LRRC36: variants seen among roughly 807,000 people sequenced by gnomAD.
LRRC36 encodes leucine rich repeat containing 36.
In LRRC36, 62 loss-of-function variants were observed where a neutral mutation model predicts 81.1. The observed-to-expected ratio is 0.76, with a 90% CI of 0.62 to 0.94. LRRC36 has a LOEUF of 0.94. LRRC36 is among the 40% of genes least tolerant of loss of function. The probability of loss-of-function intolerance (pLI) is 0.00; values close to 1 mark genes in which losing one functional copy is unlikely to be tolerated. For synonymous variants in LRRC36, 334 were observed against 348.6 expected, an observed-to-expected ratio of 0.96 and a Z score of 0.47; for missense variants, 761 against 881.7, an observed-to-expected ratio of 0.86 and a Z score of 1.73.
At chr16:67,352,703 G>C (rs1195739908) in intron 5 of LRRC36, among the ~76,000 whole-genome samples, 1 of 148,172 alleles carries the variant, frequency 6.7e-6, no homozygotes, top group African/African-American at 2.5e-5. Flanking sequence ...TTTGAGGCAG[G>C]GTCTCATTCT....
At chr16:67,349,460 A>T (rs1175951251) in intron 4 of LRRC36, among the ~76,000 whole-genome samples, 3 of 152,214 alleles carry the variant, frequency 2.0e-5, no homozygotes, top group African/African-American at 7.2e-5. Context: ...TGTACTACCC[A>T]AGGTATCTAC....
rs374068045 is a variant in LRRC36 at position 67,364,004 on chromosome 16, T to TA, written c.702+291dup. Among the ~76,000 whole-genome samples, 961 of 152,344 alleles carry TA rather than the reference T, an allele frequency of 6.3e-3. 8 individuals carry two copies. Among genetic ancestry groups the TA allele is most frequent in the African/African-American group, 0.022 (899 of 41,578 alleles). The stretch of plus-strand genomic sequence containing the variant: ...GGTCCTCAAACAAGAATGCAACTGT[T>TA]ACAGTTTTTGGCTGGTTTTAAATTT... On this transcript the variant is annotated intron_variant, in intron 6 of 13. Coordinates refer to ENST00000329956, the MANE Select transcript of LRRC36 (RefSeq NM_018296.6).
intron 5 of LRRC36, among the ~76,000 whole-genome samples, chr16:67,353,399 T>G (rs1033844499): frequency 5.3e-5 from 8 of 152,152 alleles, no homozygotes; most frequent in African/African-American, 1.9e-4. Flanking sequence ...TTTGTTTTGT[T>G]TTTTTGAGAC....
At position 67,382,262 on chromosome 16, in the gene LRRC36, A is replaced by G. The variant is rs1465805573; in HGVS notation, c.2045+15A>G. The G allele has an allele frequency of 6.4e-7, 1 of 1,572,828 alleles. No individual in the cohort carries two copies. The highest frequency in any genetic ancestry group is 8.7e-7 in the Non-Finnish European group (1 of 1,146,586). On this transcript the variant is annotated intron_variant, in intron 13 of 13. Coordinates refer to ENST00000329956, the MANE Select transcript of LRRC36 (RefSeq NM_018296.6). The stretch of plus-strand genomic sequence containing the variant: ...GAAAGTCAGAGGTAGGAGAGGGTCT[A>G]TCTAGCTTGCTTCTAGAAGCAGATA...
intron 7 of LRRC36, among the ~76,000 whole-genome samples, chr16:67,366,706 C>T (rs1333329842): frequency 2.0e-5 from 3 of 151,644 alleles, no homozygotes; most frequent in East Asian, 1.9e-4. Flanking sequence ...GCTGAGATTG[C>T]GCCACTGCAC....
chr16:67,333,825 C>T (rs113400887), intron 1 of LRRC36, among the ~76,000 whole-genome samples: 68 of 152,128 alleles, frequency 4.5e-4, no homozygotes, highest in African/African-American at 1.3e-3. Flanking sequence ...TTCTCATATA[C>T]GCTTACCTTC....
At chr16:67,384,760 T>C in intron 13 of LRRC36, 110 bp from the exon 14 acceptor site, 2 of 728,770 alleles carry the variant, frequency 2.7e-6, no homozygotes, top group Non-Finnish European at 4.8e-6. Flanking sequence ...GTTCCTTCTA[T>C]TTAAAGATGT....
intron 1 of LRRC36, among the ~76,000 whole-genome samples, chr16:67,331,067 GAA>G (rs1491147765): frequency 1.4e-3 from 137 of 101,376 alleles, no homozygotes; most frequent in African/African-American, 4.3e-3. Context: ...ATGTGAGAGA[GAA>G]AGAGAGAGAG....
chr16:67,354,444 A>G (rs968524271), intron 5 of LRRC36, among the ~76,000 whole-genome samples: 10 of 151,946 alleles, frequency 6.6e-5, no homozygotes, highest in Admixed American at 4.6e-4. Flanking sequence ...CGCCTGGTTA[A>G]TATTTGTGTT....
At chr16:67,342,413 T>C (rs192561741) in intron 2 of LRRC36, among the ~76,000 whole-genome samples, 2 of 152,262 alleles carry the variant, frequency 1.3e-5, no homozygotes, top group Admixed American at 1.3e-4. Context: ...CTGTGAGAGT[T>C]GGTCTGATTT....
intron 1 of LRRC36, among the ~76,000 whole-genome samples, chr16:67,329,973 G>A (rs2037404261): frequency 6.6e-6 from 1 of 152,172 alleles, no homozygotes; most frequent in Non-Finnish European, 1.5e-5. Context: ...ATTGGTTGAT[G>A]TATGTCTTAA....
intron 13 of LRRC36, among the ~76,000 whole-genome samples, chr16:67,383,432 G>A (rs1597514938): frequency 6.6e-6 from 1 of 152,162 alleles, no homozygotes; most frequent in South Asian, 2.1e-4. Flanking sequence ...AAATTAACTC[G>A]AAGGACGTGT....
Position 67,326,847 on chromosome 16 carries a change from T to C in LRRC36, c.-16T>C. On this transcript the variant is annotated 5_prime_UTR_variant, in exon 1 of 14. Coordinates refer to ENST00000329956, the MANE Select transcript of LRRC36 (RefSeq NM_018296.6). ...GGGTGGTCTCGCGGGCGGTGGCAGG[T>C]GAGCGGCGGGCGGGGATGGCGGAGC... 2.1e-6 allele frequency: 3 copies of C among 1,418,038 alleles called. No homozygotes were observed. The highest frequency in any genetic ancestry group is 2.7e-6 in the Non-Finnish European group (3 of 1,094,492). The allele number at this position is 1,418,038 out of a possible 1,614,324, so 87.8% of individuals were successfully genotyped here.
chr16:67,358,222 C>G (rs1447112755), intron 5 of LRRC36, among the ~76,000 whole-genome samples: 3 of 149,368 alleles, frequency 2.0e-5, no homozygotes, highest in African/African-American at 7.5e-5. Flanking sequence ...AAAAAACAAC[C>G]AAAAGACTTC....
rs1400891626 is a variant in LRRC36 at position 67,371,175 on chromosome 16, A to G, written c.1427A>G (p.Lys476Arg). The G allele has an allele frequency of 1.9e-6, 3 of 1,614,112 alleles. No individual in the cohort carries two copies. Among genetic ancestry groups the G allele is most frequent in the Non-Finnish European group, 2.5e-6 (3 of 1,180,042 alleles). ...CTAAGCCCATCGAAGAGAGGATTCA[A>G]ATGGAAGGACAATATCCTTGCCAAC... ...RSLSPSKRGF[K>R]WKDNILANLN... is the part of the protein sequence containing the mutation. The change falls in exon 9 of 14, where the codon AAA becomes AGA. Residue 476 changes from lysine to arginine, a missense_variant. By Grantham distance (26) the Lys-to-Arg change is conservative. Transcript: ENST00000329956.
intron 11 of LRRC36, among the ~76,000 whole-genome samples, chr16:67,377,628 G>C (rs960599260): frequency 3.3e-5 from 5 of 151,470 alleles, no homozygotes; most frequent in Admixed American, 6.6e-5. Flanking sequence ...CACTGCACCT[G>C]GCCGCCTTTT....
At chr16:67,369,944 G>T (rs1278775072) in intron 8 of LRRC36, among the ~76,000 whole-genome samples, 1 of 152,118 alleles carries the variant, frequency 6.6e-6, no homozygotes, top group Non-Finnish European at 1.5e-5. Context: ...AAGGAGTTTT[G>T]CAGTAAAGGG....
chr16:67,348,996 A>T (rs2038489052), intron 4 of LRRC36, among the ~76,000 whole-genome samples: 2 of 152,216 alleles, frequency 1.3e-5, no homozygotes, highest in South Asian at 2.1e-4. Flanking sequence ...CCTATTTTTT[A>T]AAATCAGATT....
intron 1 of LRRC36, among the ~76,000 whole-genome samples, chr16:67,328,509 T>C (rs2037317384): frequency 1.3e-5 from 2 of 151,798 alleles, no homozygotes; most frequent in African/African-American, 4.8e-5. Flanking sequence ...TGAGACTCCG[T>C]CTCGAAAAAA....
Sources: gnomAD v4.1 joint callset for allele counts (sites outside exome capture counted in the v4.1 genomes callset) on GRCh38, gnomAD v4.1.1 for gene constraint, MANE v1.5 for transcripts, NCBI Gene and HGNC (gene_info 2026-07-23, HGNC 2026-07-21) for gene names.